PTPN4: variants seen among roughly 807,000 people sequenced by gnomAD.
The protein encoded by PTPN4 is tyrosine-protein phosphatase non-receptor type 4.
In PTPN4, 49 loss-of-function variants were observed where a neutral mutation model predicts 135.5. The ratio of observed to expected loss-of-function variants is 0.36; its 90% CI spans 0.29 to 0.46. The LOEUF is 0.46. PTPN4 is among the 20% of genes least tolerant of loss of function. The pLI, the probability that PTPN4 is intolerant of heterozygous loss-of-function variation, is 1.00. For missense variants in PTPN4, 860 were observed against 1,101.0 expected (o/e 0.78, Z 3.10); for synonymous variants, 333 against 369.9 (o/e 0.90, Z 1.14).
At chr2:119,874,974 T>C (rs570000015) in intron 3 of PTPN4, among the ~76,000 whole-genome samples, 1 of 152,166 alleles carries the variant, frequency 6.6e-6, no homozygotes, top group Non-Finnish European at 1.5e-5. Context: ...TGAAAAATAA[T>C]AACCCAATGT....
chr2:119,910,703 T>C (rs930356560), intron 10 of PTPN4, among the ~76,000 whole-genome samples: 1 of 152,132 alleles, frequency 6.6e-6, no homozygotes, highest in Non-Finnish European at 1.5e-5. Flanking sequence ...TTTATAATCA[T>C]CTGGCATTTC....
intron 18 of PTPN4, among the ~76,000 whole-genome samples, chr2:119,947,206 T>A (rs1679146140): frequency 6.6e-6 from 1 of 152,200 alleles, no homozygotes; most frequent in Admixed American, 6.5e-5. Flanking sequence ...CTACTCTGTT[T>A]ACTTTCCTTT....
At chr2:119,902,286 G>A (rs1426575919) in intron 10 of PTPN4, among the ~76,000 whole-genome samples, 2 of 152,168 alleles carry the variant, frequency 1.3e-5, no homozygotes, top group South Asian at 2.1e-4. Context: ...TGGTTAAAGT[G>A]TTGAAAGAAA....
intron 5 of PTPN4, among the ~76,000 whole-genome samples, chr2:119,879,092 GAA>G (rs11433216): frequency 8.4e-6 from 1 of 119,660 alleles, no homozygotes; most frequent in Non-Finnish European, 1.8e-5. Flanking sequence ...GACTCCGTCT[GAA>G]AAAAAAAAAA....
In PTPN4 at chr2:119,945,147, T is replaced by G; in HGVS notation, c.1422T>G (p.Ser474Arg). The change falls in exon 16 of 27, where the codon AGT (serine) becomes AGG (arginine). Residue 474 changes from serine to arginine, a missense_variant. Physicochemically the swap from Ser to Arg is moderately radical, Grantham distance 110 (BLOSUM62 -1). This residue lies in a region of PTPN4 where 684 missense variants were observed against 807.0 expected (regional missense o/e 0.85). Transcript: ENST00000263708. The stretch of plus-strand genomic sequence containing the variant: ...CACCCAAACAGTCAAAGAAAAACAG[T>G]TGGAACCAAATTCATTATTCACATT... Reference protein sequence around the residue: ...ALPPKQSKKNSWNQIHYSHSQ... With the variant: ...ALPPKQSKKNRWNQIHYSHSQ... The G allele has an allele frequency of 6.2e-7, 1 of 1,604,778 alleles. No homozygotes were observed. Among genetic ancestry groups the G allele is most frequent in the Non-Finnish European group, 8.5e-7 (1 of 1,176,278 alleles).
rs1235042428 is a variant in PTPN4 at position 119,796,861 on chromosome 2, TG to T, written c.-17-12975del. On this transcript the variant is annotated intron_variant, in intron 1 of 26. Coordinates refer to ENST00000263708, the MANE Select transcript of PTPN4 (RefSeq NM_002830.4). ...CAGCATTTGGCATTGTCACTGTTTT[TG>T]TGTGTGTGTGTGTGTGTGTGTGTGT... 0.042 allele frequency among the ~76,000 whole-genome samples: 21 copies of T among 504 alleles called. No homozygotes were observed. In the East Asian group the frequency reaches 0.42, roughly 10 times the overall value. 0.3% of individuals were successfully genotyped at this position (504 alleles called of 152,430 possible). A position where few individuals can be genotyped will look rare whatever the true frequency, so the allele number is the denominator to read the frequency against.
At chr2:119,778,890 T>G (rs1466073458) in intron 1 of PTPN4, among the ~76,000 whole-genome samples, 1 of 151,212 alleles carries the variant, frequency 6.6e-6, no homozygotes, top group Admixed American at 6.6e-5. Flanking sequence ...TTCAGATGAT[T>G]GATTTTGCAC....
At chr2:119,834,558 G>T (rs1199800867) in intron 2 of PTPN4, among the ~76,000 whole-genome samples, 1 of 152,018 alleles carries the variant, frequency 6.6e-6, no homozygotes, top group Non-Finnish European at 1.5e-5. Flanking sequence ...CAAAGCAATT[G>T]TATATTGTTG....
intron 1 of PTPN4, among the ~76,000 whole-genome samples, chr2:119,766,259 G>GT (rs1417324998): frequency 1.3e-5 from 2 of 152,318 alleles, no homozygotes. Context: ...TTTAGAGACT[G>GT]TAAGTATTAG....
chr2:119,964,071 G>A (rs1191551260), intron 24 of PTPN4, among the ~76,000 whole-genome samples: 1 of 152,106 alleles, frequency 6.6e-6, no homozygotes, highest in African/African-American at 2.4e-5. Context: ...CTCAAGTCTT[G>A]AATACCTTTT....
At chr2:119,802,573 G>T (rs2104943295) in intron 1 of PTPN4, among the ~76,000 whole-genome samples, 1 of 152,194 alleles carries the variant, frequency 6.6e-6, no homozygotes. Flanking sequence ...AAACCCCCTT[G>T]GTACATGGTA....
Position 119,955,211 on chromosome 2 carries a change from T to A in PTPN4, c.1868T>A (p.Ile623Asn). The part of the protein sequence containing the change: ...KLENEPDFQY[I>N]PEKAPLDSVH... ...GAAAATGAGCCAGATTTCCAGTATATTCCTGAGAAAGCCCCACTAGATAGT... is the reference window on the plus strand; with the variant it reads ...GAAAATGAGCCAGATTTCCAGTATAATCCTGAGAAAGCCCCACTAGATAGT... The change falls in exon 20 of 27, where the codon ATT becomes AAT. Residue 623 changes from isoleucine to asparagine, a missense_variant. By Grantham distance (149) the Ile-to-Asn change is moderately radical (BLOSUM62 -3). Transcript: ENST00000263708. 1 of 1,613,708 alleles carries A rather than the reference T, an allele frequency of 6.2e-7. No individual in the cohort carries two copies. Among genetic ancestry groups the A allele is most frequent in the Non-Finnish European group, 8.5e-7 (1 of 1,179,854 alleles).
At chr2:119,919,610 G>A (rs1404401567) in intron 11 of PTPN4, among the ~76,000 whole-genome samples, 2 of 152,066 alleles carry the variant, frequency 1.3e-5, no homozygotes, top group South Asian at 2.1e-4. Flanking sequence ...ATCACTTGAG[G>A]TCAGGAGTTC....
intron 9 of PTPN4, among the ~76,000 whole-genome samples, chr2:119,897,242 C>G (rs1291890054): frequency 6.6e-6 from 1 of 152,022 alleles, no homozygotes; most frequent in African/African-American, 2.4e-5. Flanking sequence ...CTCCTAAGTC[C>G]TTTTGACATG....
chr2:119,765,187 A>T lies in PTPN4; in HGVS notation c.-18+4803A>T, dbSNP rs1410158573. On this transcript the variant is annotated intron_variant, in intron 1 of 26. Transcript: ENST00000263708. Reference sequence around the variant, plus strand: ...CTTTAAATACAAGAGATGATCAGTCAGTGATAGTTGGTATTATTTTTTCAT... The same window carrying T: ...CTTTAAATACAAGAGATGATCAGTCTGTGATAGTTGGTATTATTTTTTCAT... Among the ~76,000 whole-genome samples, 2 of 152,240 alleles carry T rather than the reference A, an allele frequency of 1.3e-5. 1 individual carries two copies.
chr2:119,864,775 G>A (rs1189254952), intron 3 of PTPN4, among the ~76,000 whole-genome samples: 1 of 152,064 alleles, frequency 6.6e-6, no homozygotes, highest in African/African-American at 2.4e-5. Flanking sequence ...ACAGGTATTT[G>A]GAGCTAGATT....
At chr2:119,921,342 T>G (rs1290554458) in intron 12 of PTPN4, among the ~76,000 whole-genome samples, 2 of 152,148 alleles carry the variant, frequency 1.3e-5, no homozygotes, top group Non-Finnish European at 2.9e-5. Flanking sequence ...TAAGATTAAT[T>G]CATGTTATAT....
intron 18 of PTPN4, among the ~76,000 whole-genome samples, chr2:119,947,538 T>A (rs1452925022): frequency 6.6e-6 from 1 of 152,118 alleles, no homozygotes; most frequent in Non-Finnish European, 1.5e-5. Context: ...CACACAAAAC[T>A]AAAGAGCATG....
chr2:119,803,776 CT>C (rs993817554), intron 1 of PTPN4, among the ~76,000 whole-genome samples: 1 of 151,262 alleles, frequency 6.6e-6, no homozygotes, highest in African/African-American at 2.4e-5. Context: ...TGGGATTTAT[CT>C]TTTTTTATTT....
Sources: allele counts gnomAD v4.1 joint callset (sites outside exome capture counted in the v4.1 genomes callset), GRCh38; gene constraint gnomAD v4.1.1; regional missense constraint gnomAD v4.1.1; transcripts MANE v1.5; gene names NCBI Gene and HGNC (gene_info 2026-07-23, HGNC 2026-07-21).